The following CCDC66 variants were observed in gnomAD, a reference collection of about 807,000 sequenced individuals.
The protein encoded by CCDC66 is coiled-coil domain containing 66, also known as coiled-coil domain-containing protein 66.
A neutral mutation model predicts 128.3 loss-of-function variants in CCDC66; 133 were observed. The ratio of observed to expected loss-of-function variants is 1.04; its 90% confidence interval spans 0.90 to 1.20. The LOEUF (loss-of-function observed/expected upper bound fraction) is 1.20. Ranked by LOEUF, CCDC66 falls within the 50% of genes most tolerant of loss-of-function variation. The pLI is 0.00. For missense variants in CCDC66, 1,126 were observed against 1,075.5 expected (o/e 1.05, Z -0.66); for synonymous variants, 387 against 357.0 (o/e 1.08, Z -0.95).
intron 10 of CCDC66, among the ~76,000 whole-genome samples, chr3:56,604,799 A>C (rs1577875232): frequency 6.6e-6 from 1 of 151,790 alleles, no homozygotes; most frequent in East Asian, 1.9e-4. Context: ...GCATTTCCTG[A>C]ATTTGAATGT....
At chr3:56,596,207 C>G (rs1018330671) in intron 10 of CCDC66, among the ~76,000 whole-genome samples, 3 of 152,210 alleles carry the variant, frequency 2.0e-5, no homozygotes, top group Non-Finnish European at 4.4e-5. Context: ...GCATGAGCCA[C>G]CGGGCCCAGC....
At chr3:56,600,661 A>G (rs1442061356) in intron 10 of CCDC66, among the ~76,000 whole-genome samples, 1 of 151,904 alleles carries the variant, frequency 6.6e-6, no homozygotes, top group Non-Finnish European at 1.5e-5. Context: ...TGACTTTTTA[A>G]TGATCGCCAT....
At chr3:56,605,477 T>C (rs556980835) in intron 10 of CCDC66, among the ~76,000 whole-genome samples, 5 of 152,052 alleles carry the variant, frequency 3.3e-5, no homozygotes, top group Non-Finnish European at 7.4e-5. Flanking sequence ...CTTTTTGTTG[T>C]TGATGCTAAT....
At position 56,566,853 on chromosome 3, in the gene CCDC66, C is replaced by G. The variant is rs1004164009; in HGVS notation, c.710+94C>G. The G allele has an allele frequency of 2.7e-6, 4 of 1,465,958 alleles. No individual in the cohort carries two copies. The African/African-American group carries it at 5.6e-5, about 21-fold the overall frequency. 90.8% of individuals were successfully genotyped at this position (1,465,958 alleles called of 1,614,324 possible). A position where few individuals can be genotyped will look rare whatever the true frequency, so the allele number is the denominator to read the frequency against. ...GCATGTGAAATAGTTACTCTGAATACTTAGAGCTATTTAAAAGCTTATTAC... is the reference window on the plus strand; with the variant it reads ...GCATGTGAAATAGTTACTCTGAATAGTTAGAGCTATTTAAAAGCTTATTAC... On this transcript the variant is annotated intron_variant, in intron 5 of 17. Transcript: ENST00000394672.
At chr3:56,562,187 C>T (rs114493119) in intron 3 of CCDC66, among the ~76,000 whole-genome samples, 7,668 of 151,656 alleles carry the variant, frequency 0.051, 278 homozygotes, top group South Asian at 0.16. Flanking sequence ...ACTACAGGCG[C>T]GTGCCCACAC....
chr3:56,577,763 G>C (rs1476920612), intron 7 of CCDC66, among the ~76,000 whole-genome samples: 1 of 151,762 alleles, frequency 6.6e-6, no homozygotes, highest in African/African-American at 2.4e-5. Flanking sequence ...CCTCTGTTCT[G>C]TTCCAGTTGT....
At chr3:56,582,388 C>T (rs530254414) in intron 7 of CCDC66, among the ~76,000 whole-genome samples, 2 of 151,836 alleles carry the variant, frequency 1.3e-5, no homozygotes, top group South Asian at 4.1e-4. Flanking sequence ...CCACCTGCTC[C>T]GTGGGCTGCA....
chr3:56,567,985 C>T (rs868336807), intron 6 of CCDC66, among the ~76,000 whole-genome samples: 35 of 152,238 alleles, frequency 2.3e-4, no homozygotes, highest in African/African-American at 5.8e-4. Flanking sequence ...CCACCACGCC[C>T]GGCCAAAAGT....
intron 7 of CCDC66, among the ~76,000 whole-genome samples, chr3:56,583,616 GC>G (rs1553683522): frequency 6.6e-6 from 1 of 151,844 alleles, no homozygotes; most frequent in Non-Finnish European, 1.5e-5. Flanking sequence ...AGGGTTGGGG[GC>G]AAGGTCATAG....
chr3:56,593,144 CAA>C (rs747385559), intron 8 of CCDC66, 43 bp downstream of exon 8: 1 of 1,443,714 alleles, frequency 6.9e-7, no homozygotes. Flanking sequence ...AAAATAAAAT[CAA>C]AGTCTTTAAT....
intron 10 of CCDC66, among the ~76,000 whole-genome samples, chr3:56,598,279 A>G (rs1288735413): frequency 6.6e-6 from 1 of 151,712 alleles, no homozygotes; most frequent in African/African-American, 2.4e-5. Flanking sequence ...TGCCTCAGCC[A>G]CCCAAGTAGC....
At chr3:56,563,068 T>C (rs1424170977) in intron 3 of CCDC66, among the ~76,000 whole-genome samples, 1 of 151,948 alleles carries the variant, frequency 6.6e-6, no homozygotes, top group Non-Finnish European at 1.5e-5. Flanking sequence ...GTCTTTATAA[T>C]AATAAAAAAT....
intron 10 of CCDC66, among the ~76,000 whole-genome samples, chr3:56,609,691 G>A (rs1166908949): frequency 1.3e-5 from 2 of 152,188 alleles, no homozygotes; most frequent in Admixed American, 1.3e-4. Context: ...AGGTCCTCCT[G>A]TGTGATTTAT....
At position 56,563,764 on chromosome 3, in the gene CCDC66, T is replaced by C; in HGVS notation, c.183T>C (p.Cys61=). 1 of 1,551,848 alleles carries C rather than the reference T, an allele frequency of 6.4e-7. No individual in the cohort carries two copies. Among genetic ancestry groups the C allele is most frequent in the Non-Finnish European group, 8.7e-7 (1 of 1,146,982 alleles). ...TTCTAAAATCAACACAAGATACTTG[T>C]ATTGGGAGTGAAAAACTTTTGCAAA... ...GHILKSTQDT[C]IGSEKLLQKK... The change falls in exon 4 of 18, where the codon TGT becomes TGC. Residue 61 remains cysteine (C), a synonymous_variant. Coordinates refer to ENST00000394672, the MANE Select transcript of CCDC66 (RefSeq NM_001141947.3).
chr3:56,597,778 T>TTTTTTTTTTTGTTTTTTTTTGG lies in CCDC66; in HGVS notation c.1404+3760_1404+3761insGTTTTTTTTTGGTTTTTTTTTT, dbSNP rs1553696363. Among the ~76,000 whole-genome samples the TTTTTTTTTTTGTTTTTTTTTGG allele has an allele frequency of 1.7e-3, 58 of 34,226 alleles. 5 individuals carry two copies. The highest frequency in any genetic ancestry group is 9.6e-3 in the African/African-American group (55 of 5,710). 22.5% of individuals were successfully genotyped at this position (34,226 alleles called of 152,430 possible). A position where few individuals can be genotyped will look rare whatever the true frequency, so the allele number is the denominator to read the frequency against. ...GTGGAGTCTAGGTTTTGTTTTGGGG[T>TTTTTTTTTTTGTTTTTTTTTGG]TTTTTTTTTTTTTTGAGACAGAGCC... is the stretch of plus-strand genomic sequence containing the variant. On this transcript the variant is annotated intron_variant, in intron 10 of 17. Transcript: ENST00000394672.
At chr3:56,574,055 T>C (rs955342699) in intron 7 of CCDC66, among the ~76,000 whole-genome samples, 1 of 151,474 alleles carries the variant, frequency 6.6e-6, no homozygotes, top group African/African-American at 2.4e-5. Flanking sequence ...TATTGGCTCA[T>C]TTTTTTTACT....
At chr3:56,592,396 T>G (rs995108389) in intron 7 of CCDC66, among the ~76,000 whole-genome samples, 1 of 152,232 alleles carries the variant, frequency 6.6e-6, no homozygotes, top group African/African-American at 2.4e-5. Context: ...GGTCTCACTC[T>G]GTTGCCCATG....
chr3:56,561,206 A>C (rs1291190416), intron 3 of CCDC66: 1 of 455,260 alleles, frequency 2.2e-6, no homozygotes, highest in East Asian at 6.9e-5. Context: ...GGCCTTTATC[A>C]AGTTCCTAGA....
chr3:56,558,334 AG>A (rs1295722742), intron 1 of CCDC66, among the ~76,000 whole-genome samples: 1 of 152,326 alleles, frequency 6.6e-6, no homozygotes, highest in South Asian at 2.1e-4. Flanking sequence ...GCACGTATAA[AG>A]CACCATACTA....
Sources: gnomAD v4.1 joint callset for allele counts (sites outside exome capture counted in the v4.1 genomes callset) on GRCh38, gnomAD v4.1.1 for gene constraint, MANE v1.5 for transcripts, NCBI Gene and HGNC (gene_info 2026-07-23, HGNC 2026-07-21) for gene names.